Variants in ZC4H2 observed in about 807,000 individuals in gnomAD.
ZC4H2 encodes the protein zinc finger C4H2-type containing, also known as zinc finger C4H2 domain-containing protein.
For synonymous variants in ZC4H2, 84 were observed against 66.3 expected, an observed-to-expected ratio of 1.27 and a Z score of -1.30; for missense variants, 137 against 173.9, an observed-to-expected ratio of 0.79 and a Z score of 1.19.
intron 1 of ZC4H2, among the ~76,000 whole-genome samples, chrX:64,998,655 C>A (rs1198179496): frequency 1.8e-5 from 2 of 111,196 alleles, no homozygotes; most frequent in African/African-American, 6.5e-5. Flanking sequence ...TCCTCTATAT[C>A]CTTACTTATC....
chrX:64,974,920 C>A, intron 1 of ZC4H2, among the ~76,000 whole-genome samples: 1 of 94,516 alleles, frequency 1.1e-5, no homozygotes, highest in Non-Finnish European at 2.0e-5. Context: ...TGACAGCTGG[C>A]ATTCTACTGT....
chrX:64,918,880 C>A, intron 4 of ZC4H2, 162 bp downstream of exon 4: 3 of 601,334 alleles, frequency 5.0e-6, no homozygotes, highest in Non-Finnish European at 7.2e-6. Flanking sequence ...CTGTGTGTGT[C>A]CAACACAGCA....
chrX:64,956,625 G>C (rs1037142345), intron 1 of ZC4H2, among the ~76,000 whole-genome samples: 4 of 111,678 alleles, frequency 3.6e-5, no homozygotes, highest in Admixed American at 2.9e-4. Context: ...GAAAAGTAGA[G>C]TTTTAAAACA....
At chrX:65,013,251 G>T (rs891731265) in intron 1 of ZC4H2, among the ~76,000 whole-genome samples, 2 of 111,686 alleles carry the variant, frequency 1.8e-5, no homozygotes, top group Non-Finnish European at 3.8e-5. Context: ...TGCCTTGTTG[G>T]GGCTTTGCCA....
intron 1 of ZC4H2, among the ~76,000 whole-genome samples, chrX:64,964,786 A>AC (rs747951491): frequency 9.9e-5 from 11 of 111,499 alleles, no homozygotes; most frequent in Non-Finnish European, 2.1e-4. Flanking sequence ...TTCCTTAATT[A>AC]AGTTACTTAA....
chrX:64,917,762 C>T lies in ZC4H2; in HGVS notation c.*21G>A, dbSNP rs1244248687. 8.3e-7 allele frequency: 1 copy of T among 1,205,175 alleles called. No individual in the cohort carries two copies. Among genetic ancestry groups the T allele is most frequent in the African/African-American group, 1.7e-5 (1 of 57,672 alleles). ...AGGTGAGGGGTTATAATTAGCAAAGCTTCATGTGCTCTCCCTTTCTTTATT... is the reference window on the plus strand; with the variant it reads ...AGGTGAGGGGTTATAATTAGCAAAGTTTCATGTGCTCTCCCTTTCTTTATT... On this transcript the variant is annotated 3_prime_UTR_variant, in exon 5 of 5. Transcript: ENST00000374839.
chrX:65,015,834 T>C (rs1446687433), intron 1 of ZC4H2, among the ~76,000 whole-genome samples: 2 of 111,190 alleles, frequency 1.8e-5, no homozygotes, highest in African/African-American at 6.5e-5. Flanking sequence ...ACCACGTGTC[T>C]TCATCATCTT....
intron 1 of ZC4H2, among the ~76,000 whole-genome samples, chrX:64,993,430 C>A (rs924011968): frequency 1.8e-5 from 2 of 111,415 alleles, no homozygotes; most frequent in Non-Finnish European, 3.8e-5. Context: ...ACACCCAAGA[C>A]GATGGTATTA....
chrX:64,949,808 T>C (rs1181578267), intron 1 of ZC4H2, among the ~76,000 whole-genome samples: 1 of 111,567 alleles, frequency 9.0e-6, no homozygotes, highest in Non-Finnish European at 1.9e-5. Flanking sequence ...GCTCCTGGAT[T>C]CACTGATTTT....
chrX:64,938,997 T>G (rs1202229076), intron 1 of ZC4H2, among the ~76,000 whole-genome samples: 1 of 111,944 alleles, frequency 8.9e-6, no homozygotes, highest in African/African-American at 3.3e-5. Context: ...GAAGTCAAAT[T>G]GTCTCTATTT....
intron 1 of ZC4H2, among the ~76,000 whole-genome samples, chrX:64,969,745 G>T (rs1347783359): frequency 8.9e-6 from 1 of 111,906 alleles, no homozygotes; most frequent in Non-Finnish European, 1.9e-5. Flanking sequence ...CTCCTGCATG[G>T]TCAAGTATAA....
In ZC4H2 at chrX:64,917,304, GA is replaced by G. The variant is rs1443781232; in HGVS notation, c.*478del. On this transcript the variant is annotated 3_prime_UTR_variant, in exon 5 of 5. Transcript: ENST00000374839. The stretch of plus-strand genomic sequence containing the variant: ...GATGAGATGAGGGTAGGAGTAGGGG[GA>G]TACATGCACCCAGCCTGTTGGAGAA... 1.8e-5 allele frequency: 2 copies of G among 113,782 alleles called. No individual in the cohort carries two copies. The highest frequency in any genetic ancestry group is 6.5e-5 in the African/African-American group (2 of 30,595). 9.4% of individuals were successfully genotyped at this position (113,782 alleles called of 1,213,427 possible).
chrX:65,028,071 T>C (rs1932897868), intron 1 of ZC4H2, among the ~76,000 whole-genome samples: 1 of 111,732 alleles, frequency 8.9e-6, no homozygotes, highest in African/African-American at 3.3e-5. Context: ...AGTGCAGTTA[T>C]AATTTCCTTT....
chrX:64,946,756 G>GAT (rs749339757), intron 1 of ZC4H2, among the ~76,000 whole-genome samples: 18 of 111,558 alleles, frequency 1.6e-4, no homozygotes, highest in Non-Finnish European at 3.0e-4. Flanking sequence ...TCACAGCACA[G>GAT]GTAATGTGCA....
chrX:64,921,766 C>A, intron 2 of ZC4H2, 51 bp downstream of exon 2: 1 of 1,174,213 alleles, frequency 8.5e-7, no homozygotes, highest in Admixed American at 2.3e-5. Flanking sequence ...TATCATTCAC[C>A]ACTACCTCTT....
chrX:64,955,242 A>G (rs1931108351), intron 1 of ZC4H2, among the ~76,000 whole-genome samples: 1 of 112,084 alleles, frequency 8.9e-6, no homozygotes, highest in Admixed American at 9.5e-5. Context: ...AACATTTTGT[A>G]TAAGAATTTC....
chrX:65,009,757 C>G (rs1230627477), intron 1 of ZC4H2, among the ~76,000 whole-genome samples: 2 of 111,720 alleles, frequency 1.8e-5, no homozygotes, highest in Non-Finnish European at 1.9e-5. Flanking sequence ...TCCTGTGAGA[C>G]TTGGGGGGCA....
At chrX:64,928,827 TTCC>T (rs980456849) in intron 1 of ZC4H2, among the ~76,000 whole-genome samples, 2 of 101,437 alleles carry the variant, frequency 2.0e-5, no homozygotes, top group African/African-American at 3.6e-5. Context: ...TCTTCTTCTC[TTCC>T]TCCTCCTCCT....
upstream of ZC4H2, among the ~76,000 whole-genome samples, chrX:64,977,536 C>T (rs1175259862): frequency 8.9e-6 from 1 of 112,009 alleles, no homozygotes; most frequent in Non-Finnish European, 1.9e-5. Flanking sequence ...CTCACTCTGT[C>T]GCCCAAGCTG....
Sources: allele counts gnomAD v4.1 joint callset (sites outside exome capture counted in the v4.1 genomes callset), GRCh38; gene constraint gnomAD v4.1.1; transcripts MANE v1.5; gene names NCBI Gene and HGNC (gene_info 2026-07-23, HGNC 2026-07-21).